PDE11A: variants seen among roughly 807,000 people sequenced by gnomAD.
PDE11A encodes the protein phosphodiesterase 11A, also known as dual 3',5'-cyclic-AMP and -GMP phosphodiesterase 11A.
A neutral mutation model predicts 100.5 loss-of-function variants in PDE11A; 100 were observed. That is an observed-to-expected ratio of 1.00 (90% CI 0.85 to 1.18). The LOEUF is 1.18. Ranked by LOEUF, PDE11A falls within the 50% of genes most tolerant of loss-of-function variation. The pLI, the probability that PDE11A is intolerant of heterozygous loss-of-function variation, is 0.00. For missense variants in PDE11A, 1,141 were observed against 1,152.6 expected, an observed-to-expected ratio of 0.99 and a Z score of 0.15; for synonymous variants, 381 against 420.8, an observed-to-expected ratio of 0.91 and a Z score of 1.16.
rs557384613 is a variant in PDE11A at position 177,956,731 on chromosome 2, T to TA, written c.1072-51545dup. Among the ~76,000 whole-genome samples, 49 of 152,290 alleles carry TA rather than the reference T, an allele frequency of 3.2e-4. No individual in the cohort carries two copies. The South Asian group carries it at 8.7e-3, about 27-fold the overall frequency. ...TACATCATGGAATACTATGCAGCCA[T>TA]AAAAAATGATGAGTTCATGTCTTTT... On this transcript the variant is annotated intron_variant, in intron 2 of 19. Transcript: ENST00000286063.
At chr2:177,696,711 A>T (rs528291345) in intron 15 of PDE11A, among the ~76,000 whole-genome samples, 2 of 152,276 alleles carry the variant, frequency 1.3e-5, no homozygotes, top group East Asian at 1.9e-4. Context: ...CAAATGAAAA[A>T]TTTTTTTAAG....
intron 10 of PDE11A, among the ~76,000 whole-genome samples, chr2:177,738,919 CAT>C (rs2081833225): frequency 6.6e-6 from 1 of 152,210 alleles, no homozygotes; most frequent in African/African-American, 2.4e-5. Context: ...ATAGAGACCA[CAT>C]GAGTTGGTTT....
At chr2:177,751,045 C>T (rs1462277075) in intron 10 of PDE11A, among the ~76,000 whole-genome samples, 4 of 151,474 alleles carry the variant, frequency 2.6e-5, no homozygotes, top group Non-Finnish European at 5.9e-5. Context: ...AATGTCCAGC[C>T]AGAGCTGAGA....
intron 2 of PDE11A, among the ~76,000 whole-genome samples, chr2:177,924,407 T>C (rs900559129): frequency 3.9e-5 from 6 of 152,188 alleles, no homozygotes; most frequent in Non-Finnish European, 7.3e-5. Context: ...AAATTTTCCT[T>C]ACGAATATCT....
At chr2:177,706,521 A>C (rs16865697) in intron 13 of PDE11A, among the ~76,000 whole-genome samples, 2,531 of 152,328 alleles carry the variant, frequency 0.017, 63 homozygotes, top group African/African-American at 0.057. Flanking sequence ...CACTCACTGA[A>C]TAAATCTCAT....
At chr2:178,049,070 T>G (rs1031568037) in intron 1 of PDE11A, among the ~76,000 whole-genome samples, 2 of 152,192 alleles carry the variant, frequency 1.3e-5, no homozygotes, top group African/African-American at 4.8e-5. Flanking sequence ...ATTATGAAGA[T>G]CTTAATAACA....
At chr2:177,631,860 A>G (rs999381113) in intron 19 of PDE11A, among the ~76,000 whole-genome samples, 3 of 151,920 alleles carry the variant, frequency 2.0e-5, no homozygotes, top group Admixed American at 6.6e-5. Flanking sequence ...TGTGTTAAAC[A>G]CATTGCCAGC....
At chr2:178,011,652 C>T (rs1315238556) in intron 2 of PDE11A, among the ~76,000 whole-genome samples, 1 of 152,164 alleles carries the variant, frequency 6.6e-6, no homozygotes, top group Non-Finnish European at 1.5e-5. Context: ...GACTGACATA[C>T]ACATGATACC....
intron 1 of PDE11A, among the ~76,000 whole-genome samples, chr2:178,052,611 T>G (rs978368422): frequency 5.3e-5 from 8 of 151,750 alleles, no homozygotes; most frequent in African/African-American, 1.9e-4. Context: ...ATTGATAGAC[T>G]GCTAGCAAGA....
intron 2 of PDE11A, among the ~76,000 whole-genome samples, chr2:177,942,408 T>TA (rs1553492177): frequency 0.027 from 2,220 of 81,122 alleles, 16 homozygotes; most frequent in Non-Finnish European, 0.042. Context: ...TTAAAATTAT[T>TA]TTTTTTTTTT....
chr2:177,979,387 T>C (rs1310010794), intron 2 of PDE11A, among the ~76,000 whole-genome samples: 1 of 150,472 alleles, frequency 6.6e-6, no homozygotes, highest in Non-Finnish European at 1.5e-5. Context: ...TATTTTTATA[T>C]TGTTATGAGA....
At chr2:177,682,216 A>C (rs987719032) in intron 15 of PDE11A, among the ~76,000 whole-genome samples, 9 of 152,168 alleles carry the variant, frequency 5.9e-5, no homozygotes, top group African/African-American at 2.2e-4. Context: ...AAATCTTTGA[A>C]TCCACCTATG....
chr2:177,647,853 C>T (rs144768287), intron 19 of PDE11A, among the ~76,000 whole-genome samples: 1,620 of 152,278 alleles, frequency 0.011, 12 homozygotes, highest in African/African-American at 0.015. Flanking sequence ...ACCTCAGTAG[C>T]TCATGCCTGA....
chr2:177,625,752 G>A lies in PDE11A; in HGVS notation c.*3655C>T, dbSNP rs932730481. On this transcript the variant is annotated 3_prime_UTR_variant, in exon 20 of 20. Transcript: ENST00000286063. ...TCTTTTTTGGAAAAGCAGATTATAT[G>A]GATAACTGCATATGCCTCACATTCT... 3.3e-5 allele frequency: 5 copies of A among 152,272 alleles called. No individual in the cohort carries two copies. The highest frequency in any genetic ancestry group is 1.2e-4 in the African/African-American group (5 of 41,406). 9.4% of individuals were successfully genotyped at this position (152,272 alleles called of 1,614,324 possible).
At chr2:177,943,732 G>A (rs1055696941) in intron 2 of PDE11A, among the ~76,000 whole-genome samples, 1 of 152,104 alleles carries the variant, frequency 6.6e-6, no homozygotes, top group African/African-American at 2.4e-5. Flanking sequence ...TTTTGAGTGT[G>A]ATATAGACCC....
intron 2 of PDE11A, among the ~76,000 whole-genome samples, chr2:178,008,319 C>T (rs932035336): frequency 1.4e-4 from 22 of 152,112 alleles, no homozygotes; most frequent in Admixed American, 2.6e-4. Context: ...TTTGCTCCCA[C>T]GAAATTGACT....
At chr2:178,091,004 T>C (rs1463049560) in intron 2 of PDE11A, among the ~76,000 whole-genome samples, 5 of 152,226 alleles carry the variant, frequency 3.3e-5, no homozygotes, top group Non-Finnish European at 7.3e-5. Context: ...ATTGTCAATA[T>C]GTTCCCCTCA....
chr2:178,106,726 G>A (rs1559073661), intron 1 of PDE11A, among the ~76,000 whole-genome samples: 1 of 152,054 alleles, frequency 6.6e-6, no homozygotes, highest in African/African-American at 2.4e-5. Flanking sequence ...TTGGGAGGCC[G>A]AGGTGGTTGG....
chr2:177,839,163 C>T (rs1327907557), intron 6 of PDE11A, among the ~76,000 whole-genome samples: 1 of 152,196 alleles, frequency 6.6e-6, no homozygotes, highest in Non-Finnish European at 1.5e-5. Context: ...TGACCCCAGC[C>T]TCCCTGCCAT....
Sources: allele counts gnomAD v4.1 joint callset (sites outside exome capture counted in the v4.1 genomes callset), GRCh38; gene constraint gnomAD v4.1.1; transcripts MANE v1.5; gene names NCBI Gene and HGNC (gene_info 2026-07-23, HGNC 2026-07-21).